The following SPON1 variants were observed in gnomAD, a reference collection of about 807,000 sequenced individuals.
The protein encoded by SPON1 is spondin-1.
Under a neutral mutation model 111.7 loss-of-function variants are expected in SPON1, and 52 were observed. That is an observed-to-expected ratio of 0.47 (90% CI 0.37 to 0.59). The LOEUF is 0.59. Among genes scored for constraint, SPON1 ranks in the 20% least tolerant of loss-of-function variants. The pLI, the probability that SPON1 is intolerant of heterozygous loss-of-function variation, is 0.00. For missense variants in SPON1, 957 were observed against 1,068.5 expected (o/e 0.90, Z 1.46); for synonymous variants, 410 against 395.8 (o/e 1.04, Z -0.43).
At chr11:13,980,072 G>A (rs1336327412) in intron 1 of SPON1, among the ~76,000 whole-genome samples, 2 of 149,832 alleles carry the variant, frequency 1.3e-5, no homozygotes, top group Non-Finnish European at 3.0e-5. Context: ...ACAGAGTCAC[G>A]CTCTGTTGCC....
chr11:14,105,756 A>G (rs1372958200), intron 5 of SPON1, among the ~76,000 whole-genome samples: 3 of 152,194 alleles, frequency 2.0e-5, no homozygotes, highest in African/African-American at 7.2e-5. Flanking sequence ...ACATTTAAAT[A>G]GGCCTTGAAA....
intron 6 of SPON1, among the ~76,000 whole-genome samples, chr11:14,201,522 C>T (rs2133896979): frequency 6.6e-6 from 1 of 151,980 alleles, no homozygotes; most frequent in East Asian, 1.9e-4. Flanking sequence ...CCTCAGCCTC[C>T]CAGGTAGGTG....
intron 6 of SPON1, among the ~76,000 whole-genome samples, chr11:14,168,178 A>G (rs1848053372): frequency 6.6e-6 from 1 of 152,148 alleles, no homozygotes. Flanking sequence ...TAATGCTCCA[A>G]AGTAGGTAAA....
chr11:14,255,138 T>C (rs1849091731), intron 8 of SPON1, among the ~76,000 whole-genome samples: 1 of 152,210 alleles, frequency 6.6e-6, no homozygotes, highest in Admixed American at 6.5e-5. Flanking sequence ...CTGCAAACTA[T>C]GGTTTGGAAG....
intron 6 of SPON1, among the ~76,000 whole-genome samples, chr11:14,209,881 T>C (rs963117366): frequency 6.6e-6 from 1 of 152,238 alleles, no homozygotes; most frequent in African/African-American, 2.4e-5. Context: ...CCACCAACAC[T>C]GTAAAAGCAT....
intron 3 of SPON1, among the ~76,000 whole-genome samples, chr11:14,072,188 G>A (rs938596971): frequency 6.6e-6 from 1 of 152,090 alleles, no homozygotes; most frequent in Admixed American, 6.6e-5. Context: ...AGGTAATAAT[G>A]TATATTAAGT....
chr11:14,005,737 A>T (rs2133795193), intron 2 of SPON1, among the ~76,000 whole-genome samples: 1 of 143,032 alleles, frequency 7.0e-6, no homozygotes, highest in South Asian at 2.2e-4. Context: ...TATTATTATA[A>T]CATTCATAAT....
chr11:14,252,647 G>A (rs1314557727), intron 7 of SPON1, among the ~76,000 whole-genome samples: 1 of 146,506 alleles, frequency 6.8e-6, no homozygotes, highest in Non-Finnish European at 1.5e-5. Flanking sequence ...CAAGACCTGC[G>A]CAGAGTGTGG....
intron 5 of SPON1, 57 bp downstream of exon 5, chr11:14,080,078 T>G: frequency 6.2e-7 from 1 of 1,607,942 alleles, no homozygotes; most frequent in East Asian, 2.2e-5. Context: ...AAGTTCTGTC[T>G]GGTTATAGGG....
intron 6 of SPON1, among the ~76,000 whole-genome samples, chr11:14,205,647 A>G (rs966735295): frequency 1.3e-5 from 2 of 152,202 alleles, no homozygotes; most frequent in Non-Finnish European, 2.9e-5. Context: ...ATGGACAACA[A>G]CAGTCTTTTA....
intron 1 of SPON1, among the ~76,000 whole-genome samples, chr11:13,979,091 C>G (rs1373441432): frequency 6.6e-6 from 1 of 152,184 alleles, no homozygotes; most frequent in Non-Finnish European, 1.5e-5. Context: ...TTTCTGGAGG[C>G]TAGACATCTG....
intron 2 of SPON1, among the ~76,000 whole-genome samples, chr11:13,992,846 G>T (rs1252274007): frequency 6.6e-6 from 1 of 151,870 alleles, no homozygotes; most frequent in Non-Finnish European, 1.5e-5. Flanking sequence ...GTGAGGTGAC[G>T]CTCCATCCTG....
chr11:14,039,239 A>G (rs1487096216), intron 2 of SPON1, among the ~76,000 whole-genome samples: 1 of 152,228 alleles, frequency 6.6e-6, no homozygotes, highest in Admixed American at 6.5e-5. Context: ...ACTATTTCAT[A>G]TGATACTACA....
chr11:14,133,418 G>C (rs541423537), intron 5 of SPON1, among the ~76,000 whole-genome samples: 13 of 152,340 alleles, frequency 8.5e-5, no homozygotes, highest in African/African-American at 3.1e-4. Context: ...CAAGACAGAA[G>C]ACAAAAGTTT....
At chr11:14,129,607 T>C (rs1406282029) in intron 5 of SPON1, among the ~76,000 whole-genome samples, 1 of 152,196 alleles carries the variant, frequency 6.6e-6, no homozygotes, top group Non-Finnish European at 1.5e-5. Context: ...TTGTGAGCCC[T>C]CCAAACTGCT....
At chr11:14,263,318 A>C (rs1382585838) in intron 15 of SPON1, among the ~76,000 whole-genome samples, 4 of 152,148 alleles carry the variant, frequency 2.6e-5, no homozygotes, top group African/African-American at 9.7e-5. Context: ...AACTTTGCTC[A>C]AAGTCAGTTA....
At chr11:14,138,220 A>G (rs550429033) in intron 6 of SPON1, among the ~76,000 whole-genome samples, 1 of 152,310 alleles carries the variant, frequency 6.6e-6, no homozygotes, top group South Asian at 2.1e-4. Context: ...TTCTCTTATT[A>G]TAAACTTACG....
intron 6 of SPON1, among the ~76,000 whole-genome samples, chr11:14,174,905 A>T (rs1848157142): frequency 1.3e-5 from 2 of 152,196 alleles, no homozygotes; most frequent in South Asian, 4.1e-4. Flanking sequence ...TCTAGCTTCT[A>T]AACTTTATGA....
chr11:14,160,431 T>TTATATATATATTTATATATATATTTATA (rs1847899736), intron 6 of SPON1, among the ~76,000 whole-genome samples: 1 of 24,564 alleles, frequency 4.1e-5, no homozygotes, highest in Non-Finnish European at 6.3e-5. Flanking sequence ...ATATATATAT[T>TTATATATATATTTATATATATATTTATA]TATATATATA....
Sources: allele counts gnomAD v4.1 joint callset (sites outside exome capture counted in the v4.1 genomes callset), GRCh38; gene constraint gnomAD v4.1.1; transcripts MANE v1.5; gene names NCBI Gene and HGNC (gene_info 2026-07-23, HGNC 2026-07-21).